The following WWOX variants were observed in gnomAD, a reference collection of about 807,000 sequenced individuals.
WWOX encodes WW domain containing oxidoreductase, also known as WW domain-containing oxidoreductase.
WWOX carries 69 observed loss-of-function variants against 46.2 expected under a neutral mutation model. The observed-to-expected ratio is 1.49, with a 90% CI of 1.23 to 1.82. The LOEUF is 1.82. WWOX is among the 40% of genes most tolerant of loss of function. The pLI, the probability that WWOX is intolerant of heterozygous loss-of-function variation, is 0.00. For synonymous variants in WWOX, 359 were observed against 202.6 expected, an observed-to-expected ratio of 1.77 and a Z score of -6.56; for missense variants, 919 against 542.6, an observed-to-expected ratio of 1.69 and a Z score of -6.89.
chr16:78,786,415 A>G (rs535224681), intron 8 of WWOX, among the ~76,000 whole-genome samples: 11 of 152,322 alleles, frequency 7.2e-5, no homozygotes, highest in Non-Finnish European at 1.2e-4. Flanking sequence ...GATACAGTCA[A>G]TGACTTCAAG....
chr16:78,922,781 T>G (rs2045408687), intron 8 of WWOX, among the ~76,000 whole-genome samples: 1 of 152,174 alleles, frequency 6.6e-6, no homozygotes, highest in African/African-American at 2.4e-5. Context: ...ACTCAAACCA[T>G]AAAGCTCAGG....
chr16:78,918,415 G>A (rs1208688402), intron 8 of WWOX, among the ~76,000 whole-genome samples: 2 of 151,622 alleles, frequency 1.3e-5, no homozygotes, highest in East Asian at 3.9e-4. Context: ...TACCTAGGTC[G>A]TGTCCTATCC....
intron 5 of WWOX, among the ~76,000 whole-genome samples, chr16:78,307,656 G>A (rs997960470): frequency 5.9e-5 from 9 of 152,316 alleles, no homozygotes; most frequent in Admixed American, 1.3e-4. Flanking sequence ...GAATAAATGT[G>A]TTGTTTTAAG....
intron 8 of WWOX, among the ~76,000 whole-genome samples, chr16:78,967,793 G>A (rs748887556): frequency 1.8e-4 from 28 of 152,062 alleles, no homozygotes; most frequent in Non-Finnish European, 3.8e-4. Flanking sequence ...CCAAATCTTT[G>A]GGGTGTGTAA....
At chr16:79,136,266 C>G (rs1662398761) in intron 8 of WWOX, among the ~76,000 whole-genome samples, 1 of 149,916 alleles carries the variant, frequency 6.7e-6, no homozygotes, top group African/African-American at 2.5e-5. Flanking sequence ...GAGTCTTGCT[C>G]TTTTGCCAGG....
At chr16:79,101,952 A>G (rs983206220) in intron 8 of WWOX, among the ~76,000 whole-genome samples, 1 of 149,630 alleles carries the variant, frequency 6.7e-6, no homozygotes, top group Non-Finnish European at 1.5e-5. Context: ...CAATTCTGGA[A>G]GAGTTACCTG....
chr16:78,175,590 A>G (rs1290712451), intron 5 of WWOX, among the ~76,000 whole-genome samples: 1 of 152,136 alleles, frequency 6.6e-6, no homozygotes, highest in East Asian at 1.9e-4. Flanking sequence ...GCAACAAGGA[A>G]TTGAGGCCAC....
At chr16:78,521,773 C>T (rs1169888777) in intron 8 of WWOX, among the ~76,000 whole-genome samples, 1 of 140,068 alleles carries the variant, frequency 7.1e-6, no homozygotes, top group South Asian at 2.4e-4. Flanking sequence ...AACACTTTAA[C>T]ACATAACTTG....
intron 5 of WWOX, among the ~76,000 whole-genome samples, chr16:78,249,576 G>A (rs566475878): frequency 7.4e-4 from 113 of 152,268 alleles, no homozygotes; most frequent in African/African-American, 2.6e-3. Flanking sequence ...CAGCAGCCTC[G>A]GCTGGTTTCA....
intron 5 of WWOX, among the ~76,000 whole-genome samples, chr16:78,256,920 C>G (rs1442358996): frequency 1.3e-5 from 2 of 152,048 alleles, no homozygotes; most frequent in East Asian, 3.9e-4. Context: ...ACAGGGAATC[C>G]CTAATCTCCT....
At chr16:78,543,398 T>G (rs529042549) in intron 8 of WWOX, among the ~76,000 whole-genome samples, 5 of 152,340 alleles carry the variant, frequency 3.3e-5, no homozygotes, top group Admixed American at 3.3e-4. Flanking sequence ...AATGATGCCC[T>G]TTCACATACA....
chr16:78,924,103 C>T lies in WWOX; in HGVS notation c.1057-287505C>T, dbSNP rs113598640. On this transcript the variant is annotated intron_variant, in intron 8 of 8. Coordinates refer to ENST00000566780, the MANE Select transcript of WWOX (RefSeq NM_016373.4). Reference sequence around the variant, plus strand: ...AAGTGCTGGGATTACAGACATGAGCCGCTGTGCCCGGCTGCTAGGAACTAT... The same window carrying T: ...AAGTGCTGGGATTACAGACATGAGCTGCTGTGCCCGGCTGCTAGGAACTAT... Among the ~76,000 whole-genome samples, 306 of 152,176 alleles carry T rather than the reference C, an allele frequency of 2.0e-3. 1 individual carries two copies. The highest frequency in any genetic ancestry group is 0.017 in the Middle Eastern group (5 of 294).
chr16:78,433,444 G>A (rs1045247800), intron 8 of WWOX, among the ~76,000 whole-genome samples: 6 of 152,140 alleles, frequency 3.9e-5, no homozygotes, highest in African/African-American at 7.2e-5. Context: ...TGAAGAAAGC[G>A]TATTTTCCAC....
intron 5 of WWOX, among the ~76,000 whole-genome samples, chr16:78,249,737 A>T (rs915384427): frequency 1.3e-5 from 2 of 150,296 alleles, no homozygotes; most frequent in East Asian, 2.0e-4. Flanking sequence ...TTGTATTTAT[A>T]TGGCCCCTTT....
At chr16:78,537,939 C>G (rs1231491627) in intron 8 of WWOX, among the ~76,000 whole-genome samples, 1 of 152,064 alleles carries the variant, frequency 6.6e-6, no homozygotes, top group Non-Finnish European at 1.5e-5. Flanking sequence ...CAGCCCCGGC[C>G]TATCTCTCAG....
At chr16:78,530,191 G>A (rs1212777370) in intron 8 of WWOX, among the ~76,000 whole-genome samples, 1 of 152,152 alleles carries the variant, frequency 6.6e-6, no homozygotes, top group Non-Finnish European at 1.5e-5. Flanking sequence ...CGTGACCCCT[G>A]AAACCCTAAA....
intron 8 of WWOX, among the ~76,000 whole-genome samples, chr16:79,153,477 C>G (rs530525232): frequency 6.6e-6 from 1 of 152,130 alleles, no homozygotes; most frequent in Non-Finnish European, 1.5e-5. Flanking sequence ...TCGGGAATGC[C>G]TTTTGTCGTT....
At position 78,335,035 on chromosome 16, in the gene WWOX, C is replaced by T. The variant is rs564218357; in HGVS notation, c.517-51825C>T. On this transcript the variant is annotated intron_variant, in intron 5 of 8. Transcript: ENST00000566780. Reference sequence around the variant, plus strand: ...CCCTGGACCTGCAGTGTCAGCATCACCTGGTAGCTTGTTAGACATAGAAAT... The same window carrying T: ...CCCTGGACCTGCAGTGTCAGCATCATCTGGTAGCTTGTTAGACATAGAAAT... 1.2e-4 allele frequency among the ~76,000 whole-genome samples: 19 copies of T among 152,164 alleles called. No individual in the cohort carries two copies. In the South Asian group the frequency reaches 3.5e-3, roughly 28 times the overall value.
At chr16:78,721,638 C>T (rs11640758) in intron 8 of WWOX, among the ~76,000 whole-genome samples, 2 of 152,074 alleles carry the variant, frequency 1.3e-5, no homozygotes, top group Admixed American at 6.6e-5. Context: ...AATTTGATTC[C>T]TCCGTCACTG....
Sources: allele counts gnomAD v4.1 joint callset (sites outside exome capture counted in the v4.1 genomes callset), GRCh38; gene constraint gnomAD v4.1.1; transcripts MANE v1.5; gene names NCBI Gene and HGNC (gene_info 2026-07-23, HGNC 2026-07-21).